CHIA: variants seen among roughly 807,000 people sequenced by gnomAD.
The protein encoded by CHIA is acidic mammalian chitinase.
CHIA carries 47 observed loss-of-function variants against 53.5 expected under a neutral mutation model. The observed-to-expected ratio is 0.88, with a 90% confidence interval of 0.70 to 1.12. CHIA has a LOEUF of 1.12. Among genes scored for constraint, CHIA ranks in the 50% most tolerant of loss-of-function variants. CHIA has a pLI of 0.00. For missense variants in CHIA, 652 were observed against 592.2 expected (o/e 1.10, Z -1.05); for synonymous variants, 268 against 222.2 (o/e 1.21, Z -1.83).
At chr1:111,312,832 G>A (rs12128422) in intron 4 of CHIA, among the ~76,000 whole-genome samples, 1 of 146,268 alleles carries the variant, frequency 6.8e-6, no homozygotes, top group Non-Finnish European at 1.5e-5. Context: ...CTCTGCTAAC[G>A]ACCATTCTAC....
chr1:111,292,217 C>T lies in CHIA; in HGVS notation c.-69+1267C>T, dbSNP rs548829607. Among the ~76,000 whole-genome samples the T allele has an allele frequency of 3.0e-4, 46 of 152,294 alleles. No individual in the cohort carries two copies. The South Asian group carries it at 5.4e-3, about 18-fold the overall frequency. ...CTAGGCCCAGTGCTAGGTAGGTTAT[C>T]TCATTTAATTCTCACAACAACCCTA... On this transcript the variant is annotated intron_variant, in intron 1 of 11. Coordinates refer to ENST00000369740, the MANE Select transcript of CHIA (RefSeq NM_201653.4).
At chr1:111,306,381 G>T (rs1648188306) in intron 1 of CHIA, among the ~76,000 whole-genome samples, 1 of 152,118 alleles carries the variant, frequency 6.6e-6, no homozygotes, top group Admixed American at 6.6e-5. Flanking sequence ...TTAAAATTAT[G>T]CTGGGGCAAG....
At position 111,312,195 on chromosome 1, in the gene CHIA, GC is replaced by G. The variant is rs766185173; in HGVS notation, c.63del (p.Tyr22ThrfsTer3). On this transcript the variant is annotated frameshift_variant, in exon 4 of 12. Coordinates refer to ENST00000369740, the MANE Select transcript of CHIA (RefSeq NM_201653.4). LOFTEE classifies it high-confidence loss of function. ...VLILNLQLGS[A>X]YQLTCYFTNW... The stretch of plus-strand genomic sequence containing the variant: ...CTCCTGCTGACTACACACAGGCTCT[GC>G]CTACCAGCTGACATGCTACTTCACC... 1.2e-6 allele frequency: 2 copies of G among 1,613,878 alleles called. No individual in the cohort carries two copies.
intron 1 of CHIA, among the ~76,000 whole-genome samples, chr1:111,292,826 C>G (rs940232018): frequency 3.9e-5 from 6 of 152,136 alleles, no homozygotes; most frequent in Non-Finnish European, 5.9e-5. Flanking sequence ...CTCACATAAA[C>G]AGAAAAATCA....
intron 1 of CHIA, among the ~76,000 whole-genome samples, chr1:111,292,487 G>T (rs551398828): frequency 2.6e-4 from 40 of 152,262 alleles, no homozygotes; most frequent in African/African-American, 9.6e-4. Context: ...TACCCTCTTT[G>T]TATGTGAATA....
At chr1:111,319,025 C>G in intron 9 of CHIA, 95 bp from the exon 10 acceptor site, 1 of 1,471,754 alleles carries the variant, frequency 6.8e-7, no homozygotes. Context: ...TTGAGCAAAA[C>G]CCCAACTGGA....
In CHIA at chr1:111,318,019, C is replaced by T. The variant is rs1041004777; in HGVS notation, c.639C>T (p.Asp213=). The change falls in exon 8 of 12, where the codon GAC becomes GAT. Residue 213 remains aspartate, a synonymous_variant. Transcript: ENST00000369740. The part of the protein sequence containing the change: ...YLDYIHVMTY[D]LHGSWEGYTG... ...ACTACATCCATGTCATGACCTACGA[C>T]CTCCATGGCTCCTGGGAGGGCTACA... 6.2e-7 allele frequency: 1 copy of T among 1,614,150 alleles called. No homozygotes were observed. The highest frequency in any genetic ancestry group is 8.5e-7 in the Non-Finnish European group (1 of 1,180,012).
intron 1 of CHIA, among the ~76,000 whole-genome samples, chr1:111,291,642 C>T (rs1433612172): frequency 6.6e-6 from 1 of 151,946 alleles, no homozygotes; most frequent in African/African-American, 2.4e-5. Context: ...CAAACCTACA[C>T]ATTCTGCACT....
chr1:111,308,817 C>A (rs1366901794), intron 1 of CHIA, among the ~76,000 whole-genome samples: 1 of 152,100 alleles, frequency 6.6e-6, no homozygotes, highest in Non-Finnish European at 1.5e-5. Context: ...GTTCTGTATT[C>A]TTTTTGATTC....
chr1:111,311,478 G>T lies in CHIA; in HGVS notation c.26-211G>T, dbSNP rs531517526. Among the ~76,000 whole-genome samples the T allele has an allele frequency of 6.6e-5, 10 of 152,294 alleles. No individual in the cohort carries two copies. The South Asian group carries it at 1.0e-3, about 16-fold the overall frequency. ...GGAACATTTATTTGTGACAAGAAAG[G>T]TGTGAGACGAAGGTACCACGGTCAT... is the stretch of plus-strand genomic sequence containing the variant. On this transcript the variant is annotated intron_variant, in intron 2 of 11. Coordinates refer to ENST00000369740, the MANE Select transcript of CHIA (RefSeq NM_201653.4).
Position 111,318,587 on chromosome 1 carries a change from AC to A in CHIA, c.828del (p.Ser277ProfsTer34). 5 of 1,614,110 alleles carry A rather than the reference AC, an allele frequency of 3.1e-6. No individual in the cohort carries two copies. Among genetic ancestry groups the A allele is most frequent in the Non-Finnish European group, 4.2e-6 (5 of 1,180,030 alleles). Reference sequence around the variant, plus strand: ...TATGGACACAACTTCATCCTGAGCAACCCCTCCAACACTGGAATTGGTGCCC... The same window carrying A: ...TATGGACACAACTTCATCCTGAGCAACCCTCCAACACTGGAATTGGTGCCC... ...PTYGHNFILS[N>X]PSNTGIGAPT... is the part of the protein sequence containing the mutation. On this transcript the variant is annotated frameshift_variant, in exon 9 of 12. Transcript: ENST00000369740. LOFTEE classifies it high-confidence loss of function.
At chr1:111,299,029 C>T (rs538883578) in intron 1 of CHIA, among the ~76,000 whole-genome samples, 2 of 152,252 alleles carry the variant, frequency 1.3e-5, no homozygotes, top group East Asian at 1.9e-4. Flanking sequence ...CCTCCCAAGA[C>T]TAAACCAGGA....
At chr1:111,298,068 A>C (rs1349007716) in intron 1 of CHIA, among the ~76,000 whole-genome samples, 1 of 152,216 alleles carries the variant, frequency 6.6e-6, no homozygotes, top group Non-Finnish European at 1.5e-5. Flanking sequence ...TATGCACCCA[A>C]TACAGAAGCA....
At chr1:111,310,606 CT>C in intron 2 of CHIA, 114 bp downstream of exon 2, 1 of 1,537,766 alleles carries the variant, frequency 6.5e-7, no homozygotes, top group Non-Finnish European at 8.7e-7. Context: ...TTCCATTCTT[CT>C]TTCATCATTT....
chr1:111,293,942 C>T (rs1225150354), intron 1 of CHIA, among the ~76,000 whole-genome samples: 2 of 152,204 alleles, frequency 1.3e-5, no homozygotes, highest in Non-Finnish European at 2.9e-5. Context: ...ATTAGCCAGG[C>T]ATGGTGGCAC....
chr1:111,320,432 T>C lies in CHIA; in HGVS notation c.1397T>C (p.Phe466Ser). Residue 466 changes from phenylalanine (F) to serine (S), a missense_variant, in exon 12 of 12, where the codon TTC (phenylalanine) becomes TCC (serine). By Grantham distance (155) the Phe-to-Ser change is radical. Transcript: ENST00000369740. ...YQQNCQAGLV[F>S]DTSCDCCNWA ...CAGAACTGCCAGGCCGGGCTTGTCT[T>C]CGACACCAGCTGTGATTGCTGCAAC... The C allele has an allele frequency of 1.2e-6, 2 of 1,614,188 alleles. No individual in the cohort carries two copies. The highest frequency in any genetic ancestry group is 1.7e-4 in the Middle Eastern group (1 of 6,060).
chr1:111,320,250 T>C lies in CHIA; in HGVS notation c.1215T>C (p.Thr405=), dbSNP rs377085074. ...CAGCTCAGCCCATTGAGCCAATAAC[T>C]GCTGCTCCCAGTGGCAGCGGGAACG... ...TAPAQPIEPI[T]AAPSGSGNGS... Residue 405 remains threonine, a synonymous_variant, in exon 12 of 12, where the codon ACT becomes ACC. Transcript: ENST00000369740. 3.7e-5 allele frequency: 60 copies of C among 1,613,976 alleles called. No homozygotes were observed. The highest frequency in any genetic ancestry group is 4.7e-5 in the Non-Finnish European group (56 of 1,179,960).
intron 4 of CHIA, among the ~76,000 whole-genome samples, chr1:111,312,674 T>G (rs778719984): frequency 6.6e-6 from 1 of 152,208 alleles, no homozygotes; most frequent in Non-Finnish European, 1.5e-5. Context: ...ATGTACTGTT[T>G]GCAATTTTCA....
intron 1 of CHIA, among the ~76,000 whole-genome samples, chr1:111,301,033 C>A (rs1186810385): frequency 6.6e-6 from 1 of 152,198 alleles, no homozygotes; most frequent in South Asian, 2.1e-4. Context: ...CACTGAGATA[C>A]TATCTCATGC....
Sources: allele counts gnomAD v4.1 joint callset (sites outside exome capture counted in the v4.1 genomes callset), GRCh38; gene constraint gnomAD v4.1.1; transcripts MANE v1.5; gene names NCBI Gene and HGNC (gene_info 2026-07-23, HGNC 2026-07-21).